The following NTF3 variants were observed in gnomAD, a reference collection of about 807,000 sequenced individuals.
The protein encoded by NTF3 is neurotrophin 3, also known as neurotrophin-3.
NTF3 carries 8 observed loss-of-function variants against 26.3 expected under a neutral mutation model. The ratio of observed to expected loss-of-function variants is 0.30; its 90% CI spans 0.18 to 0.55. The LOEUF (loss-of-function observed/expected upper bound fraction) is 0.55. NTF3 is among the 20% of genes least tolerant of loss of function. The pLI, the probability that NTF3 is intolerant of heterozygous loss-of-function variation, is 0.93. For synonymous variants in NTF3, 154 were observed against 145.5 expected (o/e 1.06, Z -0.42); for missense variants, 276 against 352.9 (o/e 0.78, Z 1.75).
chr12:5,434,271 C>A (rs1290486607), intron 1 of NTF3, among the ~76,000 whole-genome samples: 1 of 152,204 alleles, frequency 6.6e-6, no homozygotes, highest in Admixed American at 6.5e-5. Context: ...ATAATGCAGG[C>A]TCCGGTAGAC....
intron 1 of NTF3, among the ~76,000 whole-genome samples, chr12:5,461,776 G>A (rs1351035518): frequency 6.6e-6 from 1 of 152,202 alleles, no homozygotes; most frequent in Non-Finnish European, 1.5e-5. Flanking sequence ...TCTGGATAAT[G>A]AGGAAGGTTG....
intron 1 of NTF3, among the ~76,000 whole-genome samples, chr12:5,467,726 C>T (rs1280299592): frequency 6.6e-6 from 1 of 152,130 alleles, no homozygotes; most frequent in Non-Finnish European, 1.5e-5. Context: ...GCTGAGAGTT[C>T]CTCTGAATGC....
At chr12:5,473,912 C>T (rs1341735188) in intron 1 of NTF3, among the ~76,000 whole-genome samples, 2 of 152,232 alleles carry the variant, frequency 1.3e-5, no homozygotes, top group African/African-American at 2.4e-5. Context: ...CACCCAGAAA[C>T]TCCTCCTACC....
chr12:5,455,728 G>C (rs773432019), intron 1 of NTF3, among the ~76,000 whole-genome samples: 1 of 152,180 alleles, frequency 6.6e-6, no homozygotes, highest in South Asian at 2.1e-4. Context: ...GCTCTGAGAA[G>C]TTCATGTCTT....
At chr12:5,459,207 T>C (rs896678312) in intron 1 of NTF3, among the ~76,000 whole-genome samples, 1 of 152,190 alleles carries the variant, frequency 6.6e-6, no homozygotes, top group Non-Finnish European at 1.5e-5. Flanking sequence ...TCTCTTCCTC[T>C]TCTGGATTCT....
At position 5,494,304 on chromosome 12, in the gene NTF3, G is replaced by A. The variant is rs2121262320; in HGVS notation, c.129G>A (p.Ser43=). Residue 43 remains serine, a synonymous_variant, in exon 2 of 2, where the codon TCG becomes TCA. Coordinates refer to ENST00000423158, the MANE Select transcript of NTF3 (RefSeq NM_001102654.2). The surrounding 1 kb of genome is among the most constrained non-coding windows in gnomAD (Gnocchi z 8.3). ...ATCAAAGGAGTTTGCCAGAAGACTC[G>A]CTCAATTCCCTCATTATTAAGCTGA... is the stretch of plus-strand genomic sequence containing the variant. ...NMDQRSLPED[S]LNSLIIKLIQ... 1 of 1,614,040 alleles carries A rather than the reference G, an allele frequency of 6.2e-7. No individual in the cohort carries two copies.
At chr12:5,436,961 A>G (rs1940175258) in intron 1 of NTF3, among the ~76,000 whole-genome samples, 1 of 152,252 alleles carries the variant, frequency 6.6e-6, no homozygotes, top group African/African-American at 2.4e-5. Flanking sequence ...TGACGTGGAG[A>G]ACAGCAAAAA....
chr12:5,459,372 C>G (rs1301717115), intron 1 of NTF3, among the ~76,000 whole-genome samples: 1 of 152,140 alleles, frequency 6.6e-6, no homozygotes, highest in African/African-American at 2.4e-5. Context: ...GTGTCTGTCC[C>G]CAGGTCCCCC....
chr12:5,457,282 T>C (rs1040797052), intron 1 of NTF3, among the ~76,000 whole-genome samples: 12 of 152,214 alleles, frequency 7.9e-5, no homozygotes, highest in Non-Finnish European at 1.6e-4. Flanking sequence ...CTACCTTGAC[T>C]GTGTCCTCCT....
chr12:5,473,524 T>C (rs2121214952), intron 1 of NTF3, among the ~76,000 whole-genome samples: 1 of 152,392 alleles, frequency 6.6e-6, no homozygotes, highest in Admixed American at 6.5e-5. Flanking sequence ...TCCAGTCTTA[T>C]GCATTCTCTC....
At chr12:5,484,597 C>A (rs187167757) in intron 1 of NTF3, among the ~76,000 whole-genome samples, 177 of 152,220 alleles carry the variant, frequency 1.2e-3, no homozygotes, top group African/African-American at 4.1e-3. Context: ...AAAGGGCCAA[C>A]AATCATAAAA....
chr12:5,443,712 T>A lies in NTF3; in HGVS notation c.18+11370T>A, dbSNP rs187132777. Among the ~76,000 whole-genome samples, 332 of 152,328 alleles carry A rather than the reference T, an allele frequency of 2.2e-3. 1 individual carries two copies. Among genetic ancestry groups the A allele is most frequent in the African/African-American group, 7.8e-3 (324 of 41,570 alleles). ...ATTTGAGACTTTTGGTAGCTGTGGA[T>A]TAAAATGAGGAAAAGATTGTTTTCT... is the stretch of plus-strand genomic sequence containing the variant. On this transcript the variant is annotated intron_variant, in intron 1 of 1. Transcript: ENST00000423158.
intron 1 of NTF3, among the ~76,000 whole-genome samples, chr12:5,488,443 C>T (rs371436392): frequency 9.9e-5 from 15 of 152,152 alleles, no homozygotes; most frequent in African/African-American, 2.4e-4. Flanking sequence ...CAATCCCCAG[C>T]GGAGGCTCCA....
At chr12:5,442,579 A>G (rs189961865) in intron 1 of NTF3, among the ~76,000 whole-genome samples, 1 of 152,292 alleles carries the variant, frequency 6.6e-6, no homozygotes. Flanking sequence ...CACTTCTGAC[A>G]CAGGAACAGA....
chr12:5,432,234 C>A lies in NTF3; in HGVS notation c.-91C>A. On this transcript the variant is annotated 5_prime_UTR_variant, in exon 1 of 2. The change creates a new upstream start codon in the 5' untranslated region. Transcript: ENST00000423158. ...TCCTTTTTCCCCTGCTGGGTAGTGG[C>A]TGCGGCGGGGTGGGGGAGACTTTGA... 2 of 1,402,912 alleles carry A rather than the reference C, an allele frequency of 1.4e-6. No individual in the cohort carries two copies. Among genetic ancestry groups the A allele is most frequent in the Non-Finnish European group, 2.0e-6 (2 of 991,446 alleles). 86.9% of individuals were successfully genotyped at this position (1,402,912 alleles called of 1,614,324 possible). A position where few individuals can be genotyped will look rare whatever the true frequency, so the allele number is the denominator to read the frequency against.
chr12:5,494,766 T>C lies in NTF3; in HGVS notation c.591T>C (p.Ser197=). The change falls in exon 2 of 2, where the codon TCT becomes TCC. Residue 197 remains serine (S), a synonymous_variant. Transcript: ENST00000423158. This position sits in a 1 kb window ranked among gnomAD's most constrained non-coding sequence, Gnocchi z 8.3. ...TVLGEIKTGN[S]PVKQYFYETR... ...TGGGGGAGATCAAAACGGGCAACTCTCCCGTCAAACAATATTTTTATGAAA... is the reference window on the plus strand; with the variant it reads ...TGGGGGAGATCAAAACGGGCAACTCCCCCGTCAAACAATATTTTTATGAAA... The C allele has an allele frequency of 6.2e-7, 1 of 1,614,072 alleles. No individual in the cohort carries two copies. Among genetic ancestry groups the C allele is most frequent in the Non-Finnish European group, 8.5e-7 (1 of 1,180,018 alleles).
chr12:5,464,711 AG>A (rs1290163802), intron 1 of NTF3, among the ~76,000 whole-genome samples: 1 of 152,216 alleles, frequency 6.6e-6, no homozygotes, highest in Non-Finnish European at 1.5e-5. Context: ...ATCACAGCTC[AG>A]GGTGACCATG....
At chr12:5,432,829 G>C (rs1203732493) in intron 1 of NTF3, among the ~76,000 whole-genome samples, 1 of 151,950 alleles carries the variant, frequency 6.6e-6, no homozygotes, top group Admixed American at 6.6e-5. Context: ...AGCTCCTAGC[G>C]CATCCTATAA....
At chr12:5,460,710 C>T (rs1940513972) in intron 1 of NTF3, among the ~76,000 whole-genome samples, 1 of 152,172 alleles carries the variant, frequency 6.6e-6, no homozygotes, top group Non-Finnish European at 1.5e-5. Flanking sequence ...GCAGAGCCCC[C>T]ATCCCAGTTT....
Sources: gnomAD v4.1 joint callset for allele counts (sites outside exome capture counted in the v4.1 genomes callset) on GRCh38, gnomAD v4.1.1 for gene constraint, Gnocchi (gnomAD v3.1) non-coding constraint, MANE v1.5 for transcripts, NCBI Gene and HGNC (gene_info 2026-07-23, HGNC 2026-07-21) for gene names.